Variants in FRMD5 observed in about 807,000 individuals in gnomAD.
The protein encoded by FRMD5 is FERM domain containing 5.
Under a neutral mutation model 69.0 loss-of-function variants are expected in FRMD5, and 20 were observed. That is an observed-to-expected ratio of 0.29 (90% confidence interval 0.20 to 0.42). The LOEUF is 0.42. FRMD5 is among the 10% of genes least tolerant of loss of function. The pLI is 1.00. For synonymous variants in FRMD5, 271 were observed against 260.1 expected, an observed-to-expected ratio of 1.04 and a Z score of -0.40; for missense variants, 595 against 708.6, an observed-to-expected ratio of 0.84 and a Z score of 1.82.
chr15:44,105,542 T>C (rs1003202565), intron 1 of FRMD5, among the ~76,000 whole-genome samples: 3 of 152,308 alleles, frequency 2.0e-5, no homozygotes, highest in South Asian at 4.1e-4. Context: ...GTGCTAGTTG[T>C]AGGAAACCAT....
At chr15:43,894,600 A>C (rs2088871337) in intron 7 of FRMD5, among the ~76,000 whole-genome samples, 1 of 151,770 alleles carries the variant, frequency 6.6e-6, no homozygotes, top group African/African-American at 2.4e-5. Context: ...ATGGAAATGA[A>C]GCCTTGGGCC....
chr15:43,881,034 G>T (rs770158596), intron 13 of FRMD5, among the ~76,000 whole-genome samples: 2 of 152,162 alleles, frequency 1.3e-5, no homozygotes, highest in Non-Finnish European at 2.9e-5. Flanking sequence ...CTCTCAGTGA[G>T]TTTTGTCTCT....
intron 1 of FRMD5, among the ~76,000 whole-genome samples, chr15:44,095,845 T>C (rs1400325917): frequency 2.0e-5 from 3 of 152,174 alleles, no homozygotes; most frequent in Non-Finnish European, 2.9e-5. Flanking sequence ...TGACTGGATA[T>C]GGCCTGGCCT....
intron 1 of FRMD5, among the ~76,000 whole-genome samples, chr15:44,189,964 A>G (rs554133792): frequency 6.6e-6 from 1 of 152,316 alleles, no homozygotes; most frequent in East Asian, 1.9e-4. Flanking sequence ...CAAATTTCCC[A>G]GCTGCATAAG....
At chr15:43,931,846 G>A (rs2140466573) in intron 1 of FRMD5, among the ~76,000 whole-genome samples, 1 of 152,260 alleles carries the variant, frequency 6.6e-6, no homozygotes, top group South Asian at 2.1e-4. Context: ...TCTGGGTGCA[G>A]TTTCCTTTTC....
chr15:44,025,123 C>T (rs1891374092), intron 1 of FRMD5, among the ~76,000 whole-genome samples: 1 of 152,132 alleles, frequency 6.6e-6, no homozygotes. Context: ...AATCCAGTGG[C>T]TGGCCAACAG....
At chr15:43,974,822 A>T (rs577956546) in intron 1 of FRMD5, among the ~76,000 whole-genome samples, 1 of 152,358 alleles carries the variant, frequency 6.6e-6, no homozygotes, top group South Asian at 2.1e-4. Context: ...ATAAAAATGA[A>T]ACAAAAATTT....
Position 44,195,090 on chromosome 15 carries a change from G to C in FRMD5, c.-36C>G, listed in dbSNP as rs747462421. On this transcript the variant is annotated 5_prime_UTR_variant, in exon 1 of 14. Transcript: ENST00000417257. ...GCCCGCCCGGGAGCGACGCGGCGGCGCTGCGGACCCTGGACCAGGCGTCCC... is the reference window on the plus strand; with the variant it reads ...GCCCGCCCGGGAGCGACGCGGCGGCCCTGCGGACCCTGGACCAGGCGTCCC... The C allele has an allele frequency of 1.1e-5, 16 of 1,442,778 alleles. No individual in the cohort carries two copies. The highest frequency in any genetic ancestry group is 5.5e-6 in the Non-Finnish European group (6 of 1,091,870). 89.4% of individuals were successfully genotyped at this position (1,442,778 alleles called of 1,614,324 possible). A position where few individuals can be genotyped will look rare whatever the true frequency, so the allele number is the denominator to read the frequency against.
intron 1 of FRMD5, among the ~76,000 whole-genome samples, chr15:43,974,605 T>C (rs2090436397): frequency 6.6e-6 from 1 of 152,222 alleles, no homozygotes; most frequent in African/African-American, 2.4e-5. Flanking sequence ...TTATCCATTT[T>C]GGTGATTCTG....
chr15:44,162,611 T>A (rs957573616), intron 1 of FRMD5, among the ~76,000 whole-genome samples: 1 of 152,104 alleles, frequency 6.6e-6, no homozygotes, highest in Non-Finnish European at 1.5e-5. Context: ...CTCACGCCTG[T>A]GATCCCAGCA....
At chr15:43,888,527 T>C (rs2088717675) in intron 9 of FRMD5, among the ~76,000 whole-genome samples, 1 of 152,192 alleles carries the variant, frequency 6.6e-6, no homozygotes, top group South Asian at 2.1e-4. Context: ...TGCCCTTGCC[T>C]CTGGAATTCC....
chr15:44,105,300 C>T (rs2076701184), intron 1 of FRMD5, among the ~76,000 whole-genome samples: 1 of 152,040 alleles, frequency 6.6e-6, no homozygotes. Flanking sequence ...TGGTGTCTAA[C>T]TCATGGGCTC....
At chr15:44,181,673 G>A (rs1018809667) in intron 1 of FRMD5, among the ~76,000 whole-genome samples, 2 of 152,086 alleles carry the variant, frequency 1.3e-5, no homozygotes, top group Non-Finnish European at 2.9e-5. Context: ...ATGTTGACGT[G>A]GGAGGATTAC....
At position 43,924,196 on chromosome 15, in the gene FRMD5, T is replaced by C. The variant is rs2089542627; in HGVS notation, c.207+9A>G. 1.3e-6 allele frequency: 2 copies of C among 1,598,890 alleles called. No individual in the cohort carries two copies. Among genetic ancestry groups the C allele is most frequent in the Non-Finnish European group, 1.7e-6 (2 of 1,166,144 alleles). On this transcript the variant is annotated intron_variant, in intron 2 of 13. Transcript: ENST00000417257. ...CTGTCCTCCTTTTGTGCTTTGAATA[T>C]TGACTTACCCGCTGCTTATCTGGGT...
intron 1 of FRMD5, among the ~76,000 whole-genome samples, chr15:44,013,984 G>C (rs917650007): frequency 4.0e-5 from 6 of 151,764 alleles, no homozygotes; most frequent in Non-Finnish European, 7.4e-5. Flanking sequence ...AGCCTCCTGA[G>C]TAGCTGGGAC....
chr15:44,000,995 A>G (rs1393040349), intron 1 of FRMD5, among the ~76,000 whole-genome samples: 1 of 152,008 alleles, frequency 6.6e-6, no homozygotes, highest in Non-Finnish European at 1.5e-5. Context: ...TGGCTATACT[A>G]ATTTACATTC....
chr15:43,957,435 G>A (rs1428583701), intron 1 of FRMD5, among the ~76,000 whole-genome samples: 1 of 152,224 alleles, frequency 6.6e-6, no homozygotes, highest in Non-Finnish European at 1.5e-5. Flanking sequence ...GACCTCAAGT[G>A]ATCCACCTGC....
intron 1 of FRMD5, among the ~76,000 whole-genome samples, chr15:43,988,719 G>A (rs1196309775): frequency 1.3e-5 from 2 of 152,290 alleles, no homozygotes; most frequent in East Asian, 3.9e-4. Flanking sequence ...CACCTCCCCT[G>A]TGTGGACACG....
chr15:44,048,764 G>A (rs1892535892), intron 1 of FRMD5, among the ~76,000 whole-genome samples: 1 of 151,982 alleles, frequency 6.6e-6, no homozygotes, highest in African/African-American at 2.4e-5. Flanking sequence ...GTAGAGACAG[G>A]GTTTCGTCAT....
Sources: allele counts gnomAD v4.1 joint callset (sites outside exome capture counted in the v4.1 genomes callset), GRCh38; gene constraint gnomAD v4.1.1; transcripts MANE v1.5; gene names NCBI Gene and HGNC (gene_info 2026-07-23, HGNC 2026-07-21).